Variants in HIGD1A observed in about 807,000 individuals in gnomAD.
HIGD1A encodes HIG1 hypoxia inducible domain family member 1A.
A neutral mutation model predicts 11.3 loss-of-function variants in HIGD1A; 8 were observed. The ratio of observed to expected loss-of-function variants is 0.71; its 90% CI spans 0.42 to 1.28. The LOEUF is 1.28. Ranked by LOEUF, HIGD1A falls within the 50% of genes most tolerant of loss-of-function variation. The probability of loss-of-function intolerance (pLI) is 0.01; values close to 1 mark genes in which losing one functional copy is unlikely to be tolerated. For synonymous variants in HIGD1A, 32 were observed against 38.4 expected, an observed-to-expected ratio of 0.83 and a Z score of 0.62; for missense variants, 107 against 118.8, an observed-to-expected ratio of 0.90 and a Z score of 0.46.
In HIGD1A at chr3:42,794,277, T is replaced by C. The variant is rs868799364; in HGVS notation, c.-22-2A>G. ...ATAGTGATTGCTTGAAGAATCTCCCTGAGAAAGAATTTCTATGAGGTTCTG... is the reference window on the plus strand; with the variant it reads ...ATAGTGATTGCTTGAAGAATCTCCCCGAGAAAGAATTTCTATGAGGTTCTG... On this transcript the variant is annotated splice_acceptor_variant, in intron 1 of 3. Coordinates refer to ENST00000321331, the MANE Select transcript of HIGD1A (RefSeq NM_014056.4). LOFTEE classifies it low-confidence loss of function (5UTR_SPLICE). 7.7e-6 allele frequency: 12 copies of C among 1,561,714 alleles called. No individual in the cohort carries two copies. The highest frequency in any genetic ancestry group is 1.0e-5 in the Non-Finnish European group (12 of 1,161,908).
chr3:42,791,315 C>G (rs1203243777), intron 2 of HIGD1A, among the ~76,000 whole-genome samples: 1 of 152,080 alleles, frequency 6.6e-6, no homozygotes, highest in Non-Finnish European at 1.5e-5. Flanking sequence ...CCTAAGTAAT[C>G]CCAGGATCAT....
intron 2 of HIGD1A, among the ~76,000 whole-genome samples, chr3:42,792,663 G>C (rs1486189380): frequency 8.3e-6 from 1 of 121,022 alleles, no homozygotes; most frequent in Non-Finnish European, 1.7e-5. Context: ...GACAGAGCAA[G>C]ACTCCGTTTC....
chr3:42,785,179 T>C lies in HIGD1A; in HGVS notation c.*92A>G. Reference sequence around the variant, plus strand: ...TGTTACCATCTAAACCCATACAAATTAGTTTATTTCCAACAATAATAGGTA... The same window carrying C: ...TGTTACCATCTAAACCCATACAAATCAGTTTATTTCCAACAATAATAGGTA... On this transcript the variant is annotated 3_prime_UTR_variant, in exon 4 of 4. Coordinates refer to ENST00000321331, the MANE Select transcript of HIGD1A (RefSeq NM_014056.4). 1 of 967,680 alleles carries C rather than the reference T, an allele frequency of 1.0e-6. No individual in the cohort carries two copies. The highest frequency in any genetic ancestry group is 1.6e-6 in the Non-Finnish European group (1 of 618,564). The allele number at this position is 967,680 out of a possible 1,614,324, so 59.9% of individuals were successfully genotyped here.
rs770590240 is a variant in HIGD1A, at chr3:42,785,216, A to AAGACAT, written c.*49_*54dup. 2.3e-4 allele frequency: 309 copies of AAGACAT among 1,334,544 alleles called. No homozygotes were observed. The highest frequency in any genetic ancestry group is 3.0e-4 in the Non-Finnish European group (285 of 941,610). 82.7% of individuals were successfully genotyped at this position (1,334,544 alleles called of 1,614,324 possible). ...AACAATAATAGGTAACTTTAATAATAAGACATCTAACTAAAGCAAGCTCCT... is the reference window on the plus strand; with the variant it reads ...AACAATAATAGGTAACTTTAATAATAAGACATAGACATCTAACTAAAGCAAGCTCCT... On this transcript the variant is annotated 3_prime_UTR_variant, in exon 4 of 4. Coordinates refer to ENST00000321331, the MANE Select transcript of HIGD1A (RefSeq NM_014056.4).
chr3:42,791,286 A>T (rs542467262), intron 2 of HIGD1A, among the ~76,000 whole-genome samples: 3 of 152,332 alleles, frequency 2.0e-5, no homozygotes, highest in East Asian at 3.9e-4. Flanking sequence ...TAAATGCACA[A>T]CATAAGGAAA....
chr3:42,792,306 A>C (rs952852655), intron 2 of HIGD1A, among the ~76,000 whole-genome samples: 5 of 152,206 alleles, frequency 3.3e-5, no homozygotes, highest in African/African-American at 1.2e-4. Context: ...AAATCACATA[A>C]ATTTCTACCA....
At chr3:42,789,371 A>G (rs768469874) in intron 2 of HIGD1A, among the ~76,000 whole-genome samples, 8 of 152,004 alleles carry the variant, frequency 5.3e-5, no homozygotes, top group Non-Finnish European at 8.8e-5. Context: ...TTGCTTTTAC[A>G]TAAGAAAATC....
chr3:42,785,397 G>T, intron 3 of HIGD1A, 77 bp from the exon 4 acceptor site: 1 of 1,112,774 alleles, frequency 9.0e-7, no homozygotes, highest in Non-Finnish European at 1.4e-6. Flanking sequence ...TCATAAAATA[G>T]CTGAAAGTAG....
intron 2 of HIGD1A, among the ~76,000 whole-genome samples, chr3:42,790,935 C>T (rs1217792466): frequency 3.3e-5 from 5 of 152,194 alleles, no homozygotes; most frequent in Non-Finnish European, 7.3e-5. Flanking sequence ...CCTTGGCCTG[C>T]TGAGTAGCTG....
At chr3:42,804,207 G>C in intron 1 of HIGD1A, 1 of 1,608,530 alleles carries the variant, frequency 6.2e-7, no homozygotes, top group Non-Finnish European at 8.5e-7. Context: ...CGCTGGCTCC[G>C]TCTCCCCTCA....
intron 2 of HIGD1A, among the ~76,000 whole-genome samples, chr3:42,787,555 C>T (rs1173059613): frequency 6.8e-6 from 1 of 146,080 alleles, no homozygotes; most frequent in Non-Finnish European, 1.5e-5. Flanking sequence ...CACACCACTG[C>T]ACTCCAGCCT....
rs573304142 is a variant in HIGD1A, at chr3:42,786,080, C to G, written c.180G>C (p.Leu60=). 3.1e-6 allele frequency: 5 copies of G among 1,613,516 alleles called. No homozygotes were observed. The South Asian group carries it at 4.4e-5, about 14-fold the overall frequency. ...CTTGGGCTGCCACACGCATGTGGAT[C>G]AGATGAATGGACATTTTAGTATTTC... ...SRGNTKMSIH[L]IHMRVAAQGF... Residue 60 remains leucine, a synonymous_variant, in exon 3 of 4, where the codon CTG becomes CTC. Coordinates refer to ENST00000321331, the MANE Select transcript of HIGD1A (RefSeq NM_014056.4).
chr3:42,793,283 C>G (rs571151082), intron 2 of HIGD1A, among the ~76,000 whole-genome samples: 2 of 151,940 alleles, frequency 1.3e-5, no homozygotes, highest in African/African-American at 2.4e-5. Context: ...TTTTAATATG[C>G]CTGCGAGTCC....
chr3:42,796,386 T>C (rs1471672492), intron 1 of HIGD1A, among the ~76,000 whole-genome samples: 1 of 151,856 alleles, frequency 6.6e-6, no homozygotes, highest in Non-Finnish European at 1.5e-5. Context: ...TATATCTGAA[T>C]AATACAATAT....
At chr3:42,793,903 G>A (rs1240835735) in intron 2 of HIGD1A, among the ~76,000 whole-genome samples, 1 of 152,064 alleles carries the variant, frequency 6.6e-6, no homozygotes. Flanking sequence ...CTGAGAGGTC[G>A]AGGGATGGGG....
intron 2 of HIGD1A, among the ~76,000 whole-genome samples, chr3:42,793,543 C>G (rs1235588226): frequency 6.6e-6 from 1 of 152,206 alleles, no homozygotes; most frequent in East Asian, 1.9e-4. Context: ...TTGACTTTAA[C>G]CTATATCCCA....
Position 42,784,594 on chromosome 3 carries a change from A to C in HIGD1A, c.*677T>G, listed in dbSNP as rs1700326332. 6.6e-6 allele frequency: 1 copy of C among 152,658 alleles called. No individual in the cohort carries two copies. 9.5% of individuals were successfully genotyped at this position (152,658 alleles called of 1,614,324 possible). On this transcript the variant is annotated 3_prime_UTR_variant, in exon 4 of 4. Transcript: ENST00000321331. ...GCTTAAAATACATATTTCTATTTCAAGATGACATTTAAAAATTATTCTAAT... is the reference window on the plus strand; with the variant it reads ...GCTTAAAATACATATTTCTATTTCACGATGACATTTAAAAATTATTCTAAT...
intron 2 of HIGD1A, among the ~76,000 whole-genome samples, chr3:42,789,203 G>A (rs775214239): frequency 1.4e-4 from 21 of 151,850 alleles, no homozygotes; most frequent in Non-Finnish European, 2.6e-4. Context: ...AACCACACCC[G>A]GCTAATTTTT....
rs1410271302 is a variant in HIGD1A at position 42,804,443 on chromosome 3, G to A, written c.-30C>T. 3 of 478,280 alleles carry A rather than the reference G, an allele frequency of 6.3e-6. No homozygotes were observed. Among genetic ancestry groups the A allele is most frequent in the African/African-American group, 2.0e-5 (1 of 49,632 alleles). 29.6% of individuals were successfully genotyped at this position (478,280 alleles called of 1,614,324 possible). A position where few individuals can be genotyped will look rare whatever the true frequency, so the allele number is the denominator to read the frequency against. ...CCGGCTTGTTTCGCTTACCTAGAGCGAGAAAACCTCTCACACCCCAACCGG... is the reference window on the plus strand; with the variant it reads ...CCGGCTTGTTTCGCTTACCTAGAGCAAGAAAACCTCTCACACCCCAACCGG... On this transcript the variant is annotated 5_prime_UTR_variant, in exon 1 of 4. Transcript: ENST00000321331.
Sources: gnomAD v4.1 joint callset for allele counts (sites outside exome capture counted in the v4.1 genomes callset) on GRCh38, gnomAD v4.1.1 for gene constraint, MANE v1.5 for transcripts, NCBI Gene and HGNC (gene_info 2026-07-23, HGNC 2026-07-21) for gene names.